Variants in ZNF676 observed in about 807,000 individuals in gnomAD.
ZNF676 encodes zinc finger protein 676.
Under a neutral mutation model 6.0 loss-of-function variants are expected in ZNF676, and 4 were observed. That is an observed-to-expected ratio of 0.67 (90% confidence interval 0.33 to 1.53). ZNF676 has a LOEUF of 1.53. ZNF676 is among the 40% of genes most tolerant of loss of function. The pLI, the probability that ZNF676 is intolerant of heterozygous loss-of-function variation, is 0.06. For synonymous variants in ZNF676, 198 were observed against 223.1 expected (o/e 0.89, Z 1.00); for missense variants, 644 against 679.7 (o/e 0.95, Z 0.58).
At chr19:22,192,117 C>T (rs1433377040) in intron 2 of ZNF676, among the ~76,000 whole-genome samples, 1 of 151,062 alleles carries the variant, frequency 6.6e-6, no homozygotes, top group African/African-American at 2.4e-5. Flanking sequence ...CTAATAAATA[C>T]ACTCAGCAAA....
intron 1 of ZNF676, among the ~76,000 whole-genome samples, chr19:22,202,540 G>C (rs546691098): frequency 6.6e-6 from 1 of 152,184 alleles, no homozygotes; most frequent in South Asian, 2.1e-4. Flanking sequence ...ACAAGGTTTG[G>C]AAAATACAGT....
chr19:22,220,173 T>C (rs117716324), upstream of ZNF676, among the ~76,000 whole-genome samples: 1,481 of 152,340 alleles, frequency 9.7e-3, 8 homozygotes, highest in Non-Finnish European at 0.016. Context: ...AAAATGTTCT[T>C]GATTATGGTG....
upstream of ZNF676, among the ~76,000 whole-genome samples, chr19:22,217,066 TA>T (rs1328114260): frequency 6.6e-6 from 1 of 152,156 alleles, no homozygotes; most frequent in African/African-American, 2.4e-5. Context: ...GATAAGTTCC[TA>T]AATCTTTTCT....
chr19:22,228,041 GAC>G, the ZNF676 span, among the ~76,000 whole-genome samples: 2 of 152,104 alleles, frequency 1.3e-5, no homozygotes, highest in Non-Finnish European at 2.9e-5. Context: ...AGCTGGCAGA[GAC>G]ACAACAAAAA....
At chr19:22,242,660 C>T in the ZNF676 span, among the ~76,000 whole-genome samples, 1 of 151,958 alleles carries the variant, frequency 6.6e-6, no homozygotes, top group Non-Finnish European at 1.5e-5. Context: ...AGAGTCTTAT[C>T]ACACAGGTTT....
chr19:22,181,163 G>T lies in ZNF676; in HGVS notation c.554C>A (p.Thr185Asn), dbSNP rs751068129. 3 of 1,613,728 alleles carry T rather than the reference G, an allele frequency of 1.9e-6. No individual in the cohort carries two copies. The highest frequency in any genetic ancestry group is 2.7e-5 in the African/African-American group (2 of 74,866). Reference protein sequence around the residue: ...GKAFNWSSTLTYYKSIHTGEK... With the variant: ...GKAFNWSSTLNYYKSIHTGEK... ...TCCAGTATGAATACTCTTATAATAA[G>T]TAAGGGTTGAGGACCAGTTAAAAGC... The change falls in exon 3 of 3, where the codon ACT (threonine) becomes AAT (asparagine). Residue 185 changes from threonine (T) to asparagine (N), a missense_variant. By Grantham distance (65) the Thr-to-Asn change is moderately conservative (BLOSUM62 0). Transcript: ENST00000397121.
chr19:22,230,161 T>A, the ZNF676 span, among the ~76,000 whole-genome samples: 1 of 152,192 alleles, frequency 6.6e-6, no homozygotes, highest in African/African-American at 2.4e-5. Flanking sequence ...CGGAATACTA[T>A]GCAGCCATAA....
At chr19:22,223,776 A>G in the ZNF676 span, among the ~76,000 whole-genome samples, 1 of 152,066 alleles carries the variant, frequency 6.6e-6, no homozygotes, top group African/African-American at 2.4e-5. Context: ...TTTAAATAAT[A>G]AAATAAGTTC....
chr19:22,230,973 G>C, the ZNF676 span, among the ~76,000 whole-genome samples: 1 of 151,716 alleles, frequency 6.6e-6, no homozygotes, highest in South Asian at 2.1e-4. Context: ...AAAAAGGGGG[G>C]ATTATTTTCT....
At chr19:22,194,658 T>G (rs1193935535) in intron 1 of ZNF676, among the ~76,000 whole-genome samples, 1 of 152,104 alleles carries the variant, frequency 6.6e-6, no homozygotes, top group Non-Finnish European at 1.5e-5. Context: ...AGGGAATCAC[T>G]GGGCTGTAAC....
chr19:22,229,600 C>T, the ZNF676 span, among the ~76,000 whole-genome samples: 1 of 152,064 alleles, frequency 6.6e-6, no homozygotes, highest in Non-Finnish European at 1.5e-5. Flanking sequence ...TGCAATCTAT[C>T]CATCTGACAA....
chr19:22,244,146 T>A, the ZNF676 span: 1 of 151,448 alleles, frequency 6.6e-6, no homozygotes, highest in African/African-American at 2.4e-5. Flanking sequence ...CGGGTTCAAG[T>A]GATTCTCCCA....
At chr19:22,234,829 G>T in the ZNF676 span, among the ~76,000 whole-genome samples, 1 of 151,980 alleles carries the variant, frequency 6.6e-6, no homozygotes, top group Non-Finnish European at 1.5e-5. Flanking sequence ...AGCTACTCAG[G>T]AGGCTGAGGC....
chr19:22,221,767 A>G, the ZNF676 span, among the ~76,000 whole-genome samples: 1 of 151,554 alleles, frequency 6.6e-6, no homozygotes, highest in Non-Finnish European at 1.5e-5. Flanking sequence ...AAAACATCAG[A>G]CTTGTCTTTT....
Position 22,180,253 on chromosome 19 carries a change from C to T in ZNF676, c.1464G>A (p.Thr488=), listed in dbSNP as rs775446763. Residue 488 remains threonine, a synonymous_variant, in exon 3 of 3, where the codon ACG becomes ACA. Coordinates refer to ENST00000397121, the MANE Select transcript of ZNF676 (RefSeq NM_001001411.3). ...KCEECGKGFS[T]FSILTKHKII... is the part of the protein sequence containing the mutation. Reference sequence around the variant, plus strand: ...TCTTATGTTTAGTAAGGATTGAGAACGTACTAAAGCCTTTGCCACATTCTT... The same window carrying T: ...TCTTATGTTTAGTAAGGATTGAGAATGTACTAAAGCCTTTGCCACATTCTT... The T allele has an allele frequency of 5.7e-5, 92 of 1,611,298 alleles. No individual in the cohort carries two copies. The highest frequency in any genetic ancestry group is 1.0e-4 in the Admixed American group (6 of 59,718).
intron 1 of ZNF676, among the ~76,000 whole-genome samples, chr19:22,214,155 A>G (rs1258137512): frequency 6.6e-6 from 1 of 152,194 alleles, no homozygotes; most frequent in East Asian, 1.9e-4. Context: ...TTTTACTGCA[A>G]GTCAGAGTCA....
upstream of ZNF676, among the ~76,000 whole-genome samples, chr19:22,200,309 AAAT>A (rs368755526): frequency 4.1e-3 from 619 of 152,206 alleles, 3 homozygotes; most frequent in African/African-American, 0.014. Context: ...AAAGAACTAC[AAAT>A]AATAATAACA....
At chr19:22,189,023 C>CAA (rs56866226) in intron 2 of ZNF676, among the ~76,000 whole-genome samples, 3,071 of 149,986 alleles carry the variant, frequency 0.02, 102 homozygotes, top group African/African-American at 0.069. Flanking sequence ...CATATGGAAC[C>CAA]AAAAAAAAAA....
At chr19:22,215,374 GGA>G (rs1197981319) in intron 1 of ZNF676, among the ~76,000 whole-genome samples, 4 of 152,146 alleles carry the variant, frequency 2.6e-5, no homozygotes, top group African/African-American at 7.2e-5. Context: ...GCACAATCTG[GGA>G]GAGACTCCGC....
Sources: allele counts gnomAD v4.1 joint callset (sites outside exome capture counted in the v4.1 genomes callset), GRCh38; gene constraint gnomAD v4.1.1; transcripts MANE v1.5; gene names NCBI Gene and HGNC (gene_info 2026-07-23, HGNC 2026-07-21).